Variants in NPSR1 observed in about 807,000 individuals in gnomAD.
The protein encoded by NPSR1 is neuropeptide S receptor.
NPSR1 carries 48 observed loss-of-function variants against 46.9 expected under a neutral mutation model. The ratio of observed to expected loss-of-function variants is 1.02; its 90% CI spans 0.81 to 1.30. The LOEUF (loss-of-function observed/expected upper bound fraction) is 1.30, where lower values mean the gene tolerates loss of function less well. Among genes scored for constraint, NPSR1 ranks in the 50% most tolerant of loss-of-function variants. The pLI is 0.00. For missense variants in NPSR1, 450 were observed against 449.5 expected (o/e 1.00, Z -0.01); for synonymous variants, 176 against 168.1 (o/e 1.05, Z -0.36).
chr7:34,748,761 G>T (rs1469313689), intron 2 of NPSR1, among the ~76,000 whole-genome samples: 1 of 152,008 alleles, frequency 6.6e-6, no homozygotes, highest in African/African-American at 2.4e-5. Flanking sequence ...TGCTGGAGTG[G>T]GGGAAATATC....
At chr7:34,784,252 G>C (rs1009409481) in intron 3 of NPSR1, among the ~76,000 whole-genome samples, 2 of 152,112 alleles carry the variant, frequency 1.3e-5, no homozygotes, top group African/African-American at 4.8e-5. Flanking sequence ...GGGCATCCCT[G>C]TCTTGTGCCA....
At chr7:34,765,200 T>C (rs1015782359) in intron 2 of NPSR1, among the ~76,000 whole-genome samples, 2 of 152,192 alleles carry the variant, frequency 1.3e-5, no homozygotes, top group Non-Finnish European at 2.9e-5. Context: ...ATAAATACTA[T>C]GTATCTCAAT....
chr7:34,803,767 A>AT (rs1788552022), intron 3 of NPSR1, among the ~76,000 whole-genome samples: 1 of 151,728 alleles, frequency 6.6e-6, no homozygotes, highest in Non-Finnish European at 1.5e-5. Flanking sequence ...AAAAAAAAAA[A>AT]AGAAGAGGGA....
intron 4 of NPSR1, among the ~76,000 whole-genome samples, chr7:34,823,408 A>AAAAAAAG (rs1251597574): frequency 2.0e-5 from 3 of 146,416 alleles, no homozygotes; most frequent in Non-Finnish European, 4.5e-5. Flanking sequence ...AGAAAAAAAA[A>AAAAAAAG]AAAAAAAACA....
At chr7:34,788,831 T>G (rs977266927) in intron 3 of NPSR1, among the ~76,000 whole-genome samples, 1 of 152,064 alleles carries the variant, frequency 6.6e-6, no homozygotes, top group Admixed American at 6.6e-5. Context: ...ATAGAACATT[T>G]CACCTAGTGG....
At chr7:34,674,346 T>G (rs1358892096) in intron 1 of NPSR1, among the ~76,000 whole-genome samples, 1 of 152,176 alleles carries the variant, frequency 6.6e-6, no homozygotes, top group Non-Finnish European at 1.5e-5. Context: ...CTGTTTCACT[T>G]AAAATCAGGT....
intron 8 of NPSR1, among the ~76,000 whole-genome samples, chr7:34,867,641 G>A (rs1230350531): frequency 1.3e-5 from 2 of 151,904 alleles, no homozygotes; most frequent in Non-Finnish European, 2.9e-5. Context: ...CACCCCAGGA[G>A]CAACAGGGAT....
intron 6 of NPSR1, among the ~76,000 whole-genome samples, chr7:34,834,705 G>A (rs1280108574): frequency 6.6e-6 from 1 of 152,208 alleles, no homozygotes; most frequent in African/African-American, 2.4e-5. Context: ...CCAGCAGAGA[G>A]TTAGCCTTTG....
At chr7:34,701,060 G>A (rs1164744762) in intron 2 of NPSR1, among the ~76,000 whole-genome samples, 1 of 152,090 alleles carries the variant, frequency 6.6e-6, no homozygotes, top group African/African-American at 2.4e-5. Flanking sequence ...CTTTGCTCAG[G>A]TGTGTCTTTG....
chr7:34,839,743 C>T (rs375442442), intron 6 of NPSR1, among the ~76,000 whole-genome samples: 32 of 152,152 alleles, frequency 2.1e-4, no homozygotes, highest in African/African-American at 4.8e-4. Flanking sequence ...GATTCTGCCA[C>T]GCTTAACAGA....
downstream of NPSR1, among the ~76,000 whole-genome samples, chr7:34,853,406 A>G (rs1790981003): frequency 6.6e-6 from 1 of 152,168 alleles, no homozygotes; most frequent in Admixed American, 6.5e-5. Context: ...TTCCAATTGC[A>G]TTTAATTGAA....
intron 1 of NPSR1, among the ~76,000 whole-genome samples, chr7:34,677,444 A>G (rs769014935): frequency 2.6e-4 from 39 of 152,246 alleles, no homozygotes; most frequent in Non-Finnish European, 5.1e-4. Flanking sequence ...TTGACTTCCA[A>G]TGCAAAACTA....
At chr7:34,706,145 A>T (rs1794094658) in intron 2 of NPSR1, among the ~76,000 whole-genome samples, 1 of 151,398 alleles carries the variant, frequency 6.6e-6, no homozygotes, top group Non-Finnish European at 1.5e-5. Flanking sequence ...CTTTCTTGAT[A>T]GGTTATCCAA....
At chr7:34,692,017 G>GC (rs1793287845) in intron 2 of NPSR1, among the ~76,000 whole-genome samples, 2 of 152,158 alleles carry the variant, frequency 1.3e-5, no homozygotes, top group Non-Finnish European at 2.9e-5. Flanking sequence ...TGTAGTCTAA[G>GC]CAACTTGCAA....
intron 2 of NPSR1, chr7:34,710,833 A>C (rs1783245114): frequency 1.9e-6 from 1 of 513,176 alleles, no homozygotes; most frequent in African/African-American, 2.0e-5. Context: ...AATTTCACAG[A>C]GCTGAAGATC....
chr7:34,864,567 T>C (rs1791266688), intron 8 of NPSR1, among the ~76,000 whole-genome samples: 1 of 151,818 alleles, frequency 6.6e-6, no homozygotes. Context: ...CTTCACCTTG[T>C]AATTAAAAGT....
chr7:34,858,415 T>C lies in NPSR1; in HGVS notation c.1025+9752T>C, dbSNP rs1046892936. ...ACATAAAAAAACTTTAAAAACATAA[T>C]ATAAAGGTCAAAGACAGAGACATTA... On this transcript the variant is annotated intron_variant, in intron 8 of 8. Transcript: ENST00000359791. 3.3e-5 allele frequency among the ~76,000 whole-genome samples: 5 copies of C among 151,888 alleles called. No individual in the cohort carries two copies. The East Asian group carries it at 5.8e-4, about 18-fold the overall frequency.
At chr7:34,702,081 G>A (rs1398665096) in intron 2 of NPSR1, among the ~76,000 whole-genome samples, 1 of 152,196 alleles carries the variant, frequency 6.6e-6, no homozygotes, top group African/African-American at 2.4e-5. Flanking sequence ...GGGAACCCAG[G>A]CTCCTCTGTA....
intron 1 of NPSR1, among the ~76,000 whole-genome samples, chr7:34,661,067 A>G (rs1170457146): frequency 6.6e-6 from 1 of 152,228 alleles, no homozygotes; most frequent in Non-Finnish European, 1.5e-5. Flanking sequence ...CTCAATAAAC[A>G]TTGACTGCAT....
Sources: allele counts gnomAD v4.1 joint callset (sites outside exome capture counted in the v4.1 genomes callset), GRCh38; gene constraint gnomAD v4.1.1; transcripts MANE v1.5; gene names NCBI Gene and HGNC (gene_info 2026-07-23, HGNC 2026-07-21).